The following MTMR7 variants were observed in gnomAD, a reference collection of about 807,000 sequenced individuals.
The protein encoded by MTMR7 is phosphatidylinositol-3-phosphate phosphatase MTMR7.
A neutral mutation model predicts 81.2 loss-of-function variants in MTMR7; 76 were observed. The ratio of observed to expected loss-of-function variants is 0.94; its 90% CI spans 0.78 to 1.13. MTMR7 has a LOEUF of 1.13. Ranked by LOEUF, MTMR7 falls within the 50% of genes most tolerant of loss-of-function variation. The pLI is 0.00. For synonymous variants in MTMR7, 372 were observed against 289.8 expected, an observed-to-expected ratio of 1.28 and a Z score of -2.88; for missense variants, 1,044 against 820.0, an observed-to-expected ratio of 1.27 and a Z score of -3.34.
intron 11 of MTMR7, 76 bp from the exon 12 acceptor site, chr8:17,304,595 G>T: frequency 2.0e-6 from 3 of 1,466,872 alleles, no homozygotes; most frequent in South Asian, 1.2e-5. Context: ...ATTAATGCTG[G>T]AAAGGAACTA....
intron 11 of MTMR7, among the ~76,000 whole-genome samples, chr8:17,305,093 T>A (rs919216578): frequency 2.0e-5 from 3 of 152,194 alleles, no homozygotes; most frequent in Non-Finnish European, 4.4e-5. Context: ...GGAATCACAC[T>A]TGAGCTTCCT....
intron 1 of MTMR7, among the ~76,000 whole-genome samples, chr8:17,380,601 T>G (rs917468678): frequency 6.6e-6 from 1 of 151,688 alleles, no homozygotes; most frequent in African/African-American, 2.4e-5. Context: ...ATGCATAATT[T>G]TCATGATATC....
rs1327224391 is a variant in MTMR7, at chr8:17,361,186, A to C, written c.399T>G (p.Ser133Arg). Residue 133 changes from serine to arginine, a missense_variant, in exon 4 of 14, where the codon AGT (serine) becomes AGG (arginine). By Grantham distance (110) the Ser-to-Arg change is moderately radical. Transcript: ENST00000180173. The part of the protein sequence containing the change: ...REQGWVLIDL[S>R]EEYTRMGLPN... ...GGAGGCCCATCCGCGTGTATTCTTC[A>C]CTAAGATCGATCAGCACCCAGCCTT... is the stretch of plus-strand genomic sequence containing the variant. 6.2e-7 allele frequency: 1 copy of C among 1,614,052 alleles called. No individual in the cohort carries two copies. Among genetic ancestry groups the C allele is most frequent in the Non-Finnish European group, 8.5e-7 (1 of 1,180,022 alleles).
chr8:17,389,373 G>A (rs1821038165), intron 1 of MTMR7, among the ~76,000 whole-genome samples: 1 of 152,174 alleles, frequency 6.6e-6, no homozygotes, highest in Admixed American at 6.5e-5. Flanking sequence ...GCAGCACAAT[G>A]AACAATGCTA....
At chr8:17,329,357 G>C (rs73552075) in intron 7 of MTMR7, among the ~76,000 whole-genome samples, 3,554 of 152,254 alleles carry the variant, frequency 0.023, 140 homozygotes, top group African/African-American at 0.08. Flanking sequence ...AGATATCCTA[G>C]CCTACTGCAC....
intron 1 of MTMR7, among the ~76,000 whole-genome samples, chr8:17,376,922 C>A (rs1368946032): frequency 6.6e-6 from 1 of 151,886 alleles, no homozygotes; most frequent in Non-Finnish European, 1.5e-5. Flanking sequence ...ATTTCCTAAT[C>A]TTTAAAGGAG....
At chr8:17,310,159 G>A (rs1817703125) in intron 9 of MTMR7, among the ~76,000 whole-genome samples, 1 of 151,854 alleles carries the variant, frequency 6.6e-6, no homozygotes. Context: ...CACCACACCT[G>A]GCTAATTTTT....
chr8:17,315,835 G>C (rs1009486292), intron 7 of MTMR7, among the ~76,000 whole-genome samples: 8 of 152,072 alleles, frequency 5.3e-5, no homozygotes, highest in Non-Finnish European at 8.8e-5. Flanking sequence ...AAAGTAGTGA[G>C]ACTCAGGCTC....
At chr8:17,400,153 A>C (rs1051177002) in intron 1 of MTMR7, among the ~76,000 whole-genome samples, 1 of 152,136 alleles carries the variant, frequency 6.6e-6, no homozygotes, top group Non-Finnish European at 1.5e-5. Flanking sequence ...TATTTTTTGC[A>C]ATTATTTATA....
At chr8:17,307,017 G>A (rs1463190005) in intron 10 of MTMR7, among the ~76,000 whole-genome samples, 20 of 152,240 alleles carry the variant, frequency 1.3e-4, no homozygotes, top group Non-Finnish European at 2.2e-4. Context: ...AGCAATGGCA[G>A]CAAAAGACAA....
intron 1 of MTMR7, among the ~76,000 whole-genome samples, chr8:17,387,447 T>C (rs574752741): frequency 2.6e-5 from 4 of 152,324 alleles, no homozygotes; most frequent in African/African-American, 9.6e-5. Context: ...GTAATCTTGA[T>C]ACAACTTTGT....
intron 5 of MTMR7, among the ~76,000 whole-genome samples, chr8:17,343,125 G>C (rs546609449): frequency 6.6e-6 from 1 of 152,084 alleles, no homozygotes; most frequent in African/African-American, 2.4e-5. Flanking sequence ...TACTTTATCC[G>C]GGTTAAAGAA....
At chr8:17,337,174 C>T (rs1819267001) in intron 6 of MTMR7, among the ~76,000 whole-genome samples, 1 of 152,080 alleles carries the variant, frequency 6.6e-6, no homozygotes, top group South Asian at 2.1e-4. Context: ...GAGTTCGAGA[C>T]CAGCCTGGTG....
At chr8:17,352,014 G>T (rs1819744535) in intron 4 of MTMR7, among the ~76,000 whole-genome samples, 2 of 152,172 alleles carry the variant, frequency 1.3e-5, no homozygotes, top group African/African-American at 4.8e-5. Flanking sequence ...TTGTGAAGAT[G>T]TCCATCCTAC....
intron 11 of MTMR7, among the ~76,000 whole-genome samples, chr8:17,305,532 T>C (rs1817391350): frequency 6.6e-6 from 1 of 152,188 alleles, no homozygotes; most frequent in Admixed American, 6.6e-5. Context: ...TCAAGCTGTC[T>C]ATCAGGCAGA....
chr8:17,371,863 T>G (rs911475288), intron 2 of MTMR7, among the ~76,000 whole-genome samples: 41 of 150,490 alleles, frequency 2.7e-4, no homozygotes, highest in African/African-American at 9.2e-4. Flanking sequence ...TTTTTTTTTT[T>G]TTTTTTTTTT....
intron 7 of MTMR7, among the ~76,000 whole-genome samples, chr8:17,317,722 T>C (rs1818166402): frequency 6.6e-6 from 1 of 152,206 alleles, no homozygotes; most frequent in Non-Finnish European, 1.5e-5. Flanking sequence ...ATGGCTCGAA[T>C]TCCAGAGATT....
At chr8:17,319,882 C>T (rs920613536) in intron 7 of MTMR7, among the ~76,000 whole-genome samples, 2 of 152,170 alleles carry the variant, frequency 1.3e-5, no homozygotes, top group Admixed American at 1.3e-4. Context: ...GTTGTGCTTT[C>T]TATCACTTAC....
intron 1 of MTMR7, among the ~76,000 whole-genome samples, chr8:17,405,159 T>C (rs1821540376): frequency 6.6e-6 from 1 of 152,248 alleles, no homozygotes; most frequent in Admixed American, 6.5e-5. Flanking sequence ...GCCTATCAGT[T>C]ATTTATTATA....
Sources: allele counts gnomAD v4.1 joint callset (sites outside exome capture counted in the v4.1 genomes callset), GRCh38; gene constraint gnomAD v4.1.1; transcripts MANE v1.5; gene names NCBI Gene and HGNC (gene_info 2026-07-23, HGNC 2026-07-21).